NFIA: variants seen among roughly 807,000 people sequenced by gnomAD.
The protein encoded by NFIA is nuclear factor I A, also known as nuclear factor 1 A-type.
In NFIA, 8 loss-of-function variants were observed where a neutral mutation model predicts 62.8. The ratio of observed to expected loss-of-function variants is 0.13; its 90% CI spans 0.07 to 0.23. The LOEUF (loss-of-function observed/expected upper bound fraction) is 0.23. NFIA is among the 10% of genes least tolerant of loss of function. The pLI, the probability that NFIA is intolerant of heterozygous loss-of-function variation, is 1.00. For synonymous variants in NFIA, 235 were observed against 238.1 expected (o/e 0.99, Z 0.12); for missense variants, 410 against 642.1 (o/e 0.64, Z 3.91).
intron 2 of NFIA, among the ~76,000 whole-genome samples, chr1:61,127,085 A>G (rs1012122052): frequency 1.2e-4 from 18 of 146,530 alleles, no homozygotes; most frequent in African/African-American, 4.5e-4. Flanking sequence ...GCTTGAACCC[A>G]GGAGGTGGAG....
chr1:61,185,971 G>A (rs1651149884), intron 2 of NFIA, among the ~76,000 whole-genome samples: 2 of 152,016 alleles, frequency 1.3e-5, no homozygotes, highest in South Asian at 2.1e-4. Flanking sequence ...TGCAAACTAC[G>A]TTTACTACCT....
chr1:61,322,882 G>A (rs1660746868), intron 3 of NFIA, among the ~76,000 whole-genome samples: 1 of 152,168 alleles, frequency 6.6e-6, no homozygotes, highest in African/African-American at 2.4e-5. Context: ...GATTGTGGTT[G>A]CCATGTAATA....
Position 61,186,505 on chromosome 1 carries a change from G to A in NFIA, c.560-91015G>A, listed in dbSNP as rs896012755. On this transcript the variant is annotated intron_variant, in intron 2 of 10. Transcript: ENST00000403491. The stretch of plus-strand genomic sequence containing the variant: ...CTGTCCATTAAATCGTTCAGTCAGT[G>A]GAAGAGACATGTATGTAAATAGGTA... Among the ~76,000 whole-genome samples, 14 of 152,130 alleles carry A rather than the reference G, an allele frequency of 9.2e-5. No individual in the cohort carries two copies. In the East Asian group the frequency reaches 2.5e-3, roughly 27 times the overall value.
Position 61,082,710 on chromosome 1 carries a change from C to G in NFIA, c.-82C>G. 1 of 1,547,420 alleles carries G rather than the reference C, an allele frequency of 6.5e-7. No individual in the cohort carries two copies. The highest frequency in any genetic ancestry group is 8.7e-7 in the Non-Finnish European group (1 of 1,144,626). ...TCTCTCTCTCTCTTCCTCTCTCCCT[C>G]TTTCTCCTCTCTCACCCACACTCAC... is the stretch of plus-strand genomic sequence containing the variant. On this transcript the variant is annotated 5_prime_UTR_variant, in exon 1 of 11. Transcript: ENST00000403491.
chr1:61,291,674 G>A (rs906887113), intron 3 of NFIA, among the ~76,000 whole-genome samples: 26 of 152,120 alleles, frequency 1.7e-4, no homozygotes, highest in Non-Finnish European at 3.2e-4. Context: ...CAGGGATAAC[G>A]GATAGTGGTG....
At chr1:61,350,241 G>C (rs1662476355) in intron 4 of NFIA, among the ~76,000 whole-genome samples, 1 of 152,198 alleles carries the variant, frequency 6.6e-6, no homozygotes, top group Non-Finnish European at 1.5e-5. Flanking sequence ...GATGCTGACA[G>C]TATAATCCCC....
At chr1:61,395,515 A>G (rs1665223941) in intron 7 of NFIA, among the ~76,000 whole-genome samples, 1 of 152,036 alleles carries the variant, frequency 6.6e-6, no homozygotes, top group African/African-American at 2.4e-5. Context: ...TTCTCAAGTA[A>G]TTGTTTTGAT....
At position 61,419,056 on chromosome 1, in the gene NFIA, G is replaced by C. The variant is rs545781291; in HGVS notation, c.1421-7409G>C. Among the ~76,000 whole-genome samples, 11 of 152,312 alleles carry C rather than the reference G, an allele frequency of 7.2e-5. No homozygotes were observed. The South Asian group carries it at 2.3e-3, about 32-fold the overall frequency. On this transcript the variant is annotated intron_variant, in intron 9 of 10. Coordinates refer to ENST00000403491, the MANE Select transcript of NFIA (RefSeq NM_001134673.4). ...AATGACAGTCATAAAATTTGGATCAGCCATCAGAAGTAAATTTAAATGAAC... is the reference window on the plus strand; with the variant it reads ...AATGACAGTCATAAAATTTGGATCACCCATCAGAAGTAAATTTAAATGAAC...
intron 9 of NFIA, among the ~76,000 whole-genome samples, chr1:61,410,032 C>T (rs941827410): frequency 3.9e-5 from 6 of 152,132 alleles, no homozygotes; most frequent in African/African-American, 1.4e-4. Context: ...ATCTGTGACA[C>T]GGCATGGCTG....
At chr1:61,144,357 A>G (rs1481015445) in intron 2 of NFIA, among the ~76,000 whole-genome samples, 2 of 152,240 alleles carry the variant, frequency 1.3e-5, no homozygotes, top group Admixed American at 1.3e-4. Flanking sequence ...TTGTGTTCCT[A>G]TGGCAGATAG....
intron 10 of NFIA, among the ~76,000 whole-genome samples, chr1:61,439,814 T>C (rs1050003521): frequency 1.3e-5 from 2 of 152,152 alleles, no homozygotes; most frequent in South Asian, 2.1e-4. Context: ...AAAATAGACT[T>C]AGTGGAGGCC....
At chr1:61,274,145 T>C (rs1657675119) in intron 2 of NFIA, among the ~76,000 whole-genome samples, 2 of 152,210 alleles carry the variant, frequency 1.3e-5, no homozygotes, top group Admixed American at 1.3e-4. Context: ...GTGAACTATC[T>C]TTGTCTGAGT....
At chr1:61,272,333 T>C (rs1212575021) in intron 2 of NFIA, among the ~76,000 whole-genome samples, 2 of 152,166 alleles carry the variant, frequency 1.3e-5, no homozygotes, top group African/African-American at 4.8e-5. Flanking sequence ...ACGGTCATAC[T>C]GGAAAAAATA....
chr1:61,273,221 A>G (rs1657619900), intron 2 of NFIA, among the ~76,000 whole-genome samples: 1 of 152,138 alleles, frequency 6.6e-6, no homozygotes, highest in Non-Finnish European at 1.5e-5. Flanking sequence ...TTCTCTAATC[A>G]TTGTAATTTT....
upstream of NFIA, among the ~76,000 whole-genome samples, chr1:61,081,571 T>C (rs1184827182): frequency 6.6e-6 from 1 of 152,160 alleles, no homozygotes; most frequent in Non-Finnish European, 1.5e-5. Context: ...AAGTAAAAGA[T>C]GTCACAGCTA....
At chr1:61,354,981 A>G (rs1662753218) in intron 5 of NFIA, among the ~76,000 whole-genome samples, 1 of 151,566 alleles carries the variant, frequency 6.6e-6, no homozygotes, top group Non-Finnish European at 1.5e-5. Context: ...AGAAGTGGGA[A>G]TTTTCAGTTC....
intron 2 of NFIA, among the ~76,000 whole-genome samples, chr1:61,133,395 A>T (rs4430360): frequency 0.78 from 118,754 of 152,042 alleles, 47,188 homozygotes; most frequent in Middle Eastern, 0.87. Flanking sequence ...GAAAAGCCAT[A>T]TATATTAAAC....
chr1:61,329,048 TC>T (rs1017632418), intron 3 of NFIA, among the ~76,000 whole-genome samples: 19 of 146,198 alleles, frequency 1.3e-4, no homozygotes, highest in African/African-American at 4.5e-4. Context: ...TTTCTTTTTT[TC>T]TTTTTTTTTT....
chr1:61,348,466 C>T (rs1040735921), intron 4 of NFIA, among the ~76,000 whole-genome samples: 6 of 152,166 alleles, frequency 3.9e-5, no homozygotes, highest in East Asian at 1.9e-4. Flanking sequence ...ACTTTCGGGA[C>T]GTGCCAGGCC....
Sources: allele counts gnomAD v4.1 joint callset (sites outside exome capture counted in the v4.1 genomes callset), GRCh38; gene constraint gnomAD v4.1.1; transcripts MANE v1.5; gene names NCBI Gene and HGNC (gene_info 2026-07-23, HGNC 2026-07-21).